Variants in LARGE1 observed in about 807,000 individuals in gnomAD.
LARGE1 encodes the protein xylosyl- and glucuronyltransferase LARGE1.
A neutral mutation model predicts 87.6 loss-of-function variants in LARGE1; 43 were observed. That is an observed-to-expected ratio of 0.49 (90% CI 0.38 to 0.63). The LOEUF is 0.63. LARGE1 is among the 30% of genes least tolerant of loss of function. LARGE1 has a pLI of 0.00. For missense variants in LARGE1, 802 were observed against 1,000.2 expected, an observed-to-expected ratio of 0.80 and a Z score of 2.67; for synonymous variants, 434 against 394.6, an observed-to-expected ratio of 1.10 and a Z score of -1.18.
In LARGE1 at chr22:33,316,205, T is replaced by C. The variant is rs748074253; in HGVS notation, c.1331A>G (p.Tyr444Cys). 3.1e-6 allele frequency: 5 copies of C among 1,614,000 alleles called. No individual in the cohort carries two copies. The highest frequency in any genetic ancestry group is 1.1e-5 in the South Asian group (1 of 91,074). The stretch of plus-strand genomic sequence containing the variant: ...AGTGAAGCGCTCTCGCCGGAACTCA[T>C]AGCACAGGTCGTCCTCGTCCAGCTC... ...LSELDEDDLC[Y>C]EFRRERFTVH... Residue 444 changes from tyrosine (Y) to cysteine (C), a missense_variant, in exon 11 of 15, where the codon TAT becomes TGT. By Grantham distance (194) the Tyr-to-Cys change is radical (BLOSUM62 -2). Transcript: ENST00000397394.
At chr22:33,665,030 T>A (rs1344074813) in intron 2 of LARGE1, among the ~76,000 whole-genome samples, 1 of 152,180 alleles carries the variant, frequency 6.6e-6, no homozygotes, top group Non-Finnish European at 1.5e-5. Context: ...TGGCATATGC[T>A]CCTGGGATAC....
At position 33,223,805 on chromosome 22, in the gene LARGE1, G is replaced by A. The variant is rs1350976882; in HGVS notation, c.1731-56973C>T. 2.0e-5 allele frequency among the ~76,000 whole-genome samples: 3 copies of A among 152,074 alleles called. No individual in the cohort carries two copies. In the East Asian group the frequency reaches 5.8e-4, roughly 29 times the overall value. On this transcript the variant is annotated intron_variant, in intron 11 of 11. Transcript: ENST00000608642. ...AGCCTTTGACATTATCTTACTTTAG[G>A]TCTGGTACCAGACCCTTCCGCTTAG... is the stretch of plus-strand genomic sequence containing the variant.
chr22:33,769,802 T>C (rs1347808055), intron 1 of LARGE1, among the ~76,000 whole-genome samples: 1 of 152,226 alleles, frequency 6.6e-6, no homozygotes, highest in Non-Finnish European at 1.5e-5. Flanking sequence ...GGAAAAGAAA[T>C]GGGCCTCTGT....
In LARGE1 at chr22:33,572,105, C is replaced by T. The variant is rs547308648; in HGVS notation, c.616-7086G>A. 4.9e-5 allele frequency: 35 copies of T among 715,948 alleles called. No individual in the cohort carries two copies. In the South Asian group the frequency reaches 5.1e-4, roughly 10 times the overall value. The allele number at this position is 715,948 out of a possible 1,614,324, so 44.3% of individuals were successfully genotyped here. On this transcript the variant is annotated intron_variant, in intron 5 of 14. Transcript: ENST00000397394. ...TATGTAATCTGTAAGCTCTCCTCTG[C>T]CATACTGGAAATATTTTTTGCTCAA...
Position 33,708,634 on chromosome 22 carries a change from T to C in LARGE1, c.106+52737A>G, listed in dbSNP as rs552497069. 2.0e-5 allele frequency among the ~76,000 whole-genome samples: 3 copies of C among 152,290 alleles called. No homozygotes were observed. The South Asian group carries it at 6.2e-4, about 32-fold the overall frequency. ...TTGTGTGTAGGAGACAGAGTCTCGCTCTGTCGCCCAGGCTGGAGTACAGTG... is the reference window on the plus strand; with the variant it reads ...TTGTGTGTAGGAGACAGAGTCTCGCCCTGTCGCCCAGGCTGGAGTACAGTG... On this transcript the variant is annotated intron_variant, in intron 2 of 14. Coordinates refer to ENST00000397394, the MANE Select transcript of LARGE1 (RefSeq NM_133642.5).
the LARGE1 span, chr22:33,106,079 C>G: frequency 1.3e-5 from 2 of 152,228 alleles, no homozygotes; most frequent in Non-Finnish European, 2.9e-5. Context: ...CAAGCAGCTC[C>G]GCAAACTCAC....
chr22:33,635,120 A>G lies in LARGE1; in HGVS notation c.409-8794T>C, dbSNP rs547002824. Among the ~76,000 whole-genome samples, 26 of 146,594 alleles carry G rather than the reference A, an allele frequency of 1.8e-4. 2 individuals carry two copies. The South Asian group carries it at 5.2e-3, about 29-fold the overall frequency. On this transcript the variant is annotated intron_variant, in intron 3 of 14. Transcript: ENST00000397394. ...GTGACAGAGCAAGACTCCATCTCCA[A>G]AAAAAAAAAAAGAAAAAGAATCCCA...
the LARGE1 span, among the ~76,000 whole-genome samples, chr22:33,074,400 C>T: frequency 4.6e-5 from 7 of 152,270 alleles, no homozygotes; most frequent in Middle Eastern, 0.01. Context: ...TCCGGCTGGG[C>T]GTGGTGGCTC....
chr22:33,361,090 G>A (rs779436462), intron 9 of LARGE1, among the ~76,000 whole-genome samples: 3 of 149,302 alleles, frequency 2.0e-5, no homozygotes, highest in Admixed American at 6.6e-5. Context: ...CACCATGCCT[G>A]TAATCCCAGC....
intron 2 of LARGE1, among the ~76,000 whole-genome samples, chr22:33,678,086 T>G (rs1265868401): frequency 3.3e-5 from 5 of 152,144 alleles, no homozygotes; most frequent in Admixed American, 2.6e-4. Flanking sequence ...TTTGTAAAAT[T>G]TATGTAAAAG....
At chr22:33,202,717 A>G (rs1924459292) in intron 11 of LARGE1, among the ~76,000 whole-genome samples, 1 of 152,200 alleles carries the variant, frequency 6.6e-6, no homozygotes, top group African/African-American at 2.4e-5. Flanking sequence ...AGAGATGGCA[A>G]CTGATACCTA....
intron 2 of LARGE1, among the ~76,000 whole-genome samples, chr22:33,757,166 C>A (rs769590298): frequency 6.6e-6 from 1 of 152,166 alleles, no homozygotes; most frequent in Non-Finnish European, 1.5e-5. Context: ...AGATGGTGAA[C>A]TCCATGCCTG....
chr22:33,558,346 A>G (rs9609823), intron 6 of LARGE1, among the ~76,000 whole-genome samples: 6,333 of 152,260 alleles, frequency 0.042, 188 homozygotes, highest in Non-Finnish European at 0.064. Context: ...GGAGATTTAA[A>G]GTCAAATAAA....
intron 12 of LARGE1, among the ~76,000 whole-genome samples, chr22:33,299,222 T>C (rs938586328): frequency 7.1e-6 from 1 of 141,716 alleles, no homozygotes; most frequent in Non-Finnish European, 1.5e-5. Flanking sequence ...GGAAGCAGTA[T>C]GGAAAGAAAT....
At chr22:33,677,658 G>A (rs2081622966) in intron 2 of LARGE1, among the ~76,000 whole-genome samples, 1 of 152,096 alleles carries the variant, frequency 6.6e-6, no homozygotes, top group Admixed American at 6.5e-5. Flanking sequence ...TTTTCTACCA[G>A]CTGATAAATT....
chr22:33,310,548 C>T (rs61603549), intron 11 of LARGE1, among the ~76,000 whole-genome samples: 23,581 of 151,990 alleles, frequency 0.16, 2,003 homozygotes, highest in South Asian at 0.24. Flanking sequence ...GAGCTGCGTA[C>T]GGGAGTGCGA....
chr22:33,096,683 G>A, the LARGE1 span, among the ~76,000 whole-genome samples: 7 of 149,818 alleles, frequency 4.7e-5, no homozygotes, highest in African/African-American at 1.7e-4. Context: ...TCCTGCCTCC[G>A]CCTCCCGAGC....
At chr22:33,674,814 T>C (rs1427609798) in intron 2 of LARGE1, among the ~76,000 whole-genome samples, 3 of 152,156 alleles carry the variant, frequency 2.0e-5, no homozygotes, top group African/African-American at 7.2e-5. Context: ...TTCTCCTCTG[T>C]GGAGCTCAAT....
At chr22:33,359,560 C>CTTTTTTTTTTTT (rs539990533) in intron 9 of LARGE1, among the ~76,000 whole-genome samples, 3 of 119,232 alleles carry the variant, frequency 2.5e-5, no homozygotes, top group African/African-American at 9.3e-5. Context: ...GCAGACTCAT[C>CTTTTTTTTTTTT]TTTTTTTTTT....
Sources: gnomAD v4.1 joint callset for allele counts (sites outside exome capture counted in the v4.1 genomes callset) on GRCh38, gnomAD v4.1.1 for gene constraint, MANE v1.5 for transcripts, NCBI Gene and HGNC (gene_info 2026-07-23, HGNC 2026-07-21) for gene names.